The following PTPRO variants were observed in gnomAD, a reference collection of about 807,000 sequenced individuals.
PTPRO encodes protein tyrosine phosphatase receptor type O, also known as receptor-type tyrosine-protein phosphatase O.
Under a neutral mutation model 145.2 loss-of-function variants are expected in PTPRO, and 62 were observed. The ratio of observed to expected loss-of-function variants is 0.43; its 90% confidence interval spans 0.35 to 0.53. The LOEUF (loss-of-function observed/expected upper bound fraction) is 0.53. Ranked by LOEUF, PTPRO falls within the 20% of genes least tolerant of loss-of-function variation. PTPRO has a pLI of 0.01. For missense variants in PTPRO, 1,345 were observed against 1,482.7 expected, an observed-to-expected ratio of 0.91 and a Z score of 1.53; for synonymous variants, 565 against 514.7, an observed-to-expected ratio of 1.10 and a Z score of -1.32.
chr12:15,380,946 T>C (rs1270668253), intron 1 of PTPRO, among the ~76,000 whole-genome samples: 2 of 152,162 alleles, frequency 1.3e-5, no homozygotes, highest in Non-Finnish European at 2.9e-5. Context: ...CTATATAGAA[T>C]AGCAGTATAA....
At chr12:15,364,427 T>A (rs1158101194) in intron 1 of PTPRO, among the ~76,000 whole-genome samples, 2 of 152,318 alleles carry the variant, frequency 1.3e-5, no homozygotes, top group East Asian at 1.9e-4. Context: ...AAATATTTAC[T>A]GTAATTGATT....
chr12:15,391,527 G>A (rs1307326196), intron 1 of PTPRO, among the ~76,000 whole-genome samples: 1 of 152,140 alleles, frequency 6.6e-6, no homozygotes, highest in Admixed American at 6.5e-5. Context: ...TGGAAACACA[G>A]ATATTCACCC....
At chr12:15,350,994 T>C (rs1391453521) in intron 1 of PTPRO, among the ~76,000 whole-genome samples, 2 of 152,170 alleles carry the variant, frequency 1.3e-5, no homozygotes, top group South Asian at 4.1e-4. Flanking sequence ...CCCCTCTTTA[T>C]CTTGGCCTTG....
chr12:15,353,151 A>G (rs1476656330), intron 1 of PTPRO, among the ~76,000 whole-genome samples: 1 of 152,178 alleles, frequency 6.6e-6, no homozygotes, highest in African/African-American at 2.4e-5. Context: ...TACAATATCC[A>G]TTAGACATAG....
In PTPRO at chr12:15,416,827, T is replaced by C. The variant is rs576538809; in HGVS notation, c.76-67147T>C. ...ACAACTACACTTGGGATCCCAGGCC[T>C]TCCCTTCATTACCCTTATGAATATG... On this transcript the variant is annotated intron_variant, in intron 1 of 26. Coordinates refer to ENST00000281171, the MANE Select transcript of PTPRO (RefSeq NM_030667.3). Among the ~76,000 whole-genome samples, 4 of 151,568 alleles carry C rather than the reference T, an allele frequency of 2.6e-5. No homozygotes were observed. The East Asian group carries it at 7.7e-4, about 29-fold the overall frequency.
chr12:15,583,545 G>A (rs533730380), intron 23 of PTPRO, among the ~76,000 whole-genome samples: 1 of 151,610 alleles, frequency 6.6e-6, no homozygotes, highest in East Asian at 1.9e-4. Flanking sequence ...AATGCTATAT[G>A]TAAATTATGT....
chr12:15,409,611 A>AG (rs1319175122), intron 1 of PTPRO, among the ~76,000 whole-genome samples: 106 of 152,328 alleles, frequency 7.0e-4, no homozygotes, highest in African/African-American at 2.2e-3. Flanking sequence ...CTGGTTCTGT[A>AG]GATTGTACAG....
intron 1 of PTPRO, among the ~76,000 whole-genome samples, chr12:15,470,266 A>T (rs1941509939): frequency 6.6e-6 from 1 of 152,224 alleles, no homozygotes; most frequent in Admixed American, 6.5e-5. Context: ...ATCTGTAGTT[A>T]TAAGAATTGC....
intron 1 of PTPRO, among the ~76,000 whole-genome samples, chr12:15,381,303 T>C (rs1189554321): frequency 3.3e-5 from 5 of 152,210 alleles, no homozygotes; most frequent in Non-Finnish European, 7.3e-5. Context: ...TTTAAATTCT[T>C]GCTATTAAGC....
chr12:15,410,085 A>G (rs1459103044), intron 1 of PTPRO, among the ~76,000 whole-genome samples: 1 of 152,226 alleles, frequency 6.6e-6, no homozygotes, highest in African/African-American at 2.4e-5. Flanking sequence ...AGAAAAATGA[A>G]AAAAAGAGAG....
At position 15,474,291 on chromosome 12, in the gene PTPRO, G is replaced by A. The variant is rs140478141; in HGVS notation, c.76-9683G>A. Among the ~76,000 whole-genome samples, 371 of 152,208 alleles carry A rather than the reference G, an allele frequency of 2.4e-3. 2 individuals are homozygous for A. The highest frequency in any genetic ancestry group is 7.7e-3 in the African/African-American group (319 of 41,516). On this transcript the variant is annotated intron_variant, in intron 1 of 26. Transcript: ENST00000281171. ...TCCTTGCCCCGCAGCCCAGGAACTC[G>A]TCCTGTGTTATTCTCCTCTTTAGTG...
At chr12:15,460,597 G>C (rs903173047) in intron 1 of PTPRO, among the ~76,000 whole-genome samples, 1 of 152,086 alleles carries the variant, frequency 6.6e-6, no homozygotes, top group Non-Finnish European at 1.5e-5. Context: ...TTGCCCTGTA[G>C]CTCTACAGCA....
intron 4 of PTPRO, 121 bp from the exon 5 acceptor site, chr12:15,501,499 C>A: frequency 1.1e-6 from 1 of 906,822 alleles, no homozygotes; most frequent in Non-Finnish European, 1.7e-6. Context: ...GTCTGTGTAT[C>A]AGAAGTAAAA....
At chr12:15,538,515 G>A (rs1034758714) in intron 12 of PTPRO, among the ~76,000 whole-genome samples, 2 of 152,230 alleles carry the variant, frequency 1.3e-5, no homozygotes, top group East Asian at 3.9e-4. Flanking sequence ...GAGCCACCGC[G>A]CCCGGCCCAC....
At chr12:15,441,649 A>G (rs763186384) in intron 1 of PTPRO, among the ~76,000 whole-genome samples, 7 of 152,142 alleles carry the variant, frequency 4.6e-5, no homozygotes, top group Non-Finnish European at 8.8e-5. Context: ...AATAAGCACA[A>G]TCAGAAATGA....
intron 1 of PTPRO, chr12:15,348,460 T>TA (rs199896378): frequency 3.0e-4 from 44 of 148,294 alleles, no homozygotes; most frequent in South Asian, 1.3e-3. Flanking sequence ...GTGAAGGAGT[T>TA]AAAAAAAAAA....
intron 1 of PTPRO, among the ~76,000 whole-genome samples, chr12:15,448,924 T>C (rs1055639793): frequency 6.6e-6 from 1 of 151,346 alleles, no homozygotes. Context: ...GAAGGACAAA[T>C]ACTATATGGA....
At chr12:15,553,490 T>C (rs1041255659) in intron 15 of PTPRO, among the ~76,000 whole-genome samples, 12 of 151,868 alleles carry the variant, frequency 7.9e-5, no homozygotes, top group African/African-American at 2.2e-4. Context: ...GAACAGCTGG[T>C]GTAAAGGCCC....
At position 15,551,611 on chromosome 12, in the gene PTPRO, T is replaced by C; in HGVS notation, c.2498T>C (p.Leu833Ser). Residue 833 changes from leucine to serine, a missense_variant, in exon 15 of 27, where the codon TTA becomes TCA. Around this residue, in one of 3 missense-constraint regions of PTPRO, gnomAD observed 1,130 missense variants for 1,214.7 expected, o/e 0.93. Transcript: ENST00000281171. ...GTGCTGGCCATCCTTAGCACACTTT[T>C]AATTGGACTGTTGCTTGTTACCCTC... ...ISVLAILSTL[L>S]IGLLLVTLII... 1 of 1,613,698 alleles carries C rather than the reference T, an allele frequency of 6.2e-7. No homozygotes were observed. Among genetic ancestry groups the C allele is most frequent in the East Asian group, 2.2e-5 (1 of 44,854 alleles).
Sources: gnomAD v4.1 joint callset for allele counts (sites outside exome capture counted in the v4.1 genomes callset) on GRCh38, gnomAD v4.1.1 for gene constraint, gnomAD v4.1.1 regional missense constraint, MANE v1.5 for transcripts, NCBI Gene and HGNC (gene_info 2026-07-23, HGNC 2026-07-21) for gene names.